NOS1: variants seen among roughly 807,000 people sequenced by gnomAD.
The protein encoded by NOS1 is nitric oxide synthase 1.
In NOS1, 51 loss-of-function variants were observed where a neutral mutation model predicts 164.5. The ratio of observed to expected loss-of-function variants is 0.31; its 90% confidence interval spans 0.25 to 0.39. The LOEUF is 0.39. NOS1 is among the 10% of genes least tolerant of loss of function. NOS1 has a pLI of 1.00. For synonymous variants in NOS1, 719 were observed against 745.8 expected, an observed-to-expected ratio of 0.96 and a Z score of 0.59; for missense variants, 1,362 against 1,885.6, an observed-to-expected ratio of 0.72 and a Z score of 5.14.
chr12:117,241,756 C>T (rs972990495), intron 20 of NOS1, among the ~76,000 whole-genome samples: 5 of 152,180 alleles, frequency 3.3e-5, no homozygotes, highest in Non-Finnish European at 1.5e-5. Flanking sequence ...AAGAGCAGAA[C>T]GGCCATCAGA....
intron 28 of NOS1, among the ~76,000 whole-genome samples, chr12:117,216,712 C>G (rs1486292243): frequency 2.6e-5 from 4 of 152,092 alleles, no homozygotes; most frequent in Non-Finnish European, 4.4e-5. Flanking sequence ...CTCCTGGGCT[C>G]AAGCAATTCA....
At position 117,330,888 on chromosome 12, in the gene NOS1, C is replaced by T; in HGVS notation, c.182G>A (p.Gly61Glu). 1.9e-6 allele frequency: 3 copies of T among 1,614,176 alleles called. No homozygotes were observed. The highest frequency in any genetic ancestry group is 2.5e-6 in the Non-Finnish European group (3 of 1,180,028). Residue 61 changes from glycine to glutamate, a missense_variant, in exon 2 of 29, where the codon GGA (glycine) becomes GAA (glutamate). By Grantham distance (98) the Gly-to-Glu change is moderately conservative. Around this residue, in one of 4 missense-constraint regions of NOS1, gnomAD observed 362 missense variants for 402.0 expected, o/e 0.90. Coordinates refer to ENST00000317775, the MANE Select transcript of NOS1 (RefSeq NM_000620.5). The surrounding 1 kb of genome is among the most constrained non-coding windows in gnomAD (Gnocchi z 4.6). ...GCCGTTGACCGCAAGAATGATGTCT[C>T]CGGCCTGGATGAGGCCACTCTGCTC... is the stretch of plus-strand genomic sequence containing the variant. ...AAEQSGLIQA[G>E]DIILAVNGRP...
chr12:117,299,231 T>C (rs1435106070), intron 3 of NOS1, among the ~76,000 whole-genome samples: 1 of 152,244 alleles, frequency 6.6e-6, no homozygotes, highest in African/African-American at 2.4e-5. Flanking sequence ...ATTAAAAAAT[T>C]GCTATGTATA....
In NOS1 at chr12:117,330,989, G is replaced by GC. The variant is rs1875518439; in HGVS notation, c.80dup (p.Leu28ProfsTer11). 6.2e-7 allele frequency: 1 copy of GC among 1,614,014 alleles called. No individual in the cohort carries two copies. Among genetic ancestry groups the GC allele is most frequent in the South Asian group, 1.1e-5 (1 of 91,078 alleles). On this transcript the variant is annotated frameshift_variant, in exon 2 of 29. Coordinates refer to ENST00000317775, the MANE Select transcript of NOS1 (RefSeq NM_000620.5). LOFTEE classifies it high-confidence loss of function. This position sits in a 1 kb window ranked among gnomAD's most constrained non-coding sequence, Gnocchi z 4.6. ...CCCGCTCCTTCACCAGAAATCCCAGGCCCCCAACTTTGCGCTTGAAGAGAC... is the reference window on the plus strand; with the variant it reads ...CCCGCTCCTTCACCAGAAATCCCAGGCCCCCCAACTTTGCGCTTGAAGAGAC...
chr12:117,254,964 G>A (rs1871332557), intron 16 of NOS1, among the ~76,000 whole-genome samples: 2 of 152,126 alleles, frequency 1.3e-5, no homozygotes, highest in Non-Finnish European at 2.9e-5. Context: ...CGCCTGGCAT[G>A]GAAAGAGACT....
rs368456314 is a variant in NOS1 at position 117,335,729 on chromosome 12, T to TGGGAGAGAGAGAGAGAGAGA, written c.-420-4241_-420-4240insTCTCTCTCTCTCTCTCTCCC. Among the ~76,000 whole-genome samples, 123 of 112,602 alleles carry TGGGAGAGAGAGAGAGAGAGA rather than the reference T, an allele frequency of 1.1e-3. 4 individuals are homozygous for TGGGAGAGAGAGAGAGAGAGA. Among genetic ancestry groups the TGGGAGAGAGAGAGAGAGAGA allele is most frequent in the African/African-American group, 4.2e-3 (119 of 28,032 alleles). 73.9% of individuals were successfully genotyped at this position (112,602 alleles called of 152,430 possible). A position where few individuals can be genotyped will look rare whatever the true frequency, so the allele number is the denominator to read the frequency against. ...TTTTATTTAATTGTTACAGACTATA[T>TGGGAGAGAGAGAGAGAGAGA]GAGAGAGAGAGAGAGAGAGAGAGAG... On this transcript the variant is annotated intron_variant, in intron 1 of 28. Coordinates refer to ENST00000317775, the MANE Select transcript of NOS1 (RefSeq NM_000620.5).
In NOS1 at chr12:117,214,185, G is replaced by C; in HGVS notation, c.*1124C>G. 1 of 985,308 alleles carries C rather than the reference G, an allele frequency of 1.0e-6. No individual in the cohort carries two copies. 61.0% of individuals were successfully genotyped at this position (985,308 alleles called of 1,614,324 possible). A position where few individuals can be genotyped will look rare whatever the true frequency, so the allele number is the denominator to read the frequency against. On this transcript the variant is annotated 3_prime_UTR_variant, in exon 29 of 29. Transcript: ENST00000317775. ...TCCCCAAGGGTGAAGCAGCAAGCCCGCTTTGGGGGAATAAAAAAATAATAA... is the reference window on the plus strand; with the variant it reads ...TCCCCAAGGGTGAAGCAGCAAGCCCCCTTTGGGGGAATAAAAAAATAATAA...
At chr12:117,352,201 A>G (rs1364629425) in intron 1 of NOS1, among the ~76,000 whole-genome samples, 2 of 151,966 alleles carry the variant, frequency 1.3e-5, no homozygotes, top group African/African-American at 4.8e-5. Context: ...ACATACATAC[A>G]TACATACATA....
chr12:117,315,544 A>G (rs1291609753), intron 2 of NOS1, among the ~76,000 whole-genome samples: 1 of 152,180 alleles, frequency 6.6e-6, no homozygotes, highest in African/African-American at 2.4e-5. Flanking sequence ...CAAAATCAGA[A>G]GGAGATTTAG....
chr12:117,260,482 G>A lies in NOS1; in HGVS notation c.2350C>T (p.His784Tyr). 6.2e-7 allele frequency: 1 copy of A among 1,614,066 alleles called. No homozygotes were observed. The highest frequency in any genetic ancestry group is 2.2e-5 in the East Asian group (1 of 44,862). Residue 784 changes from histidine to tyrosine, a missense_variant, in exon 14 of 29, where the codon CAC becomes TAC. This residue lies in a region of NOS1 where 737 missense variants were observed against 1,030.3 expected (regional missense o/e 0.72). Coordinates refer to ENST00000317775, the MANE Select transcript of NOS1 (RefSeq NM_000620.5). ...YAKTLCEIFK[H>Y]AFDAKVMSME... is the part of the protein sequence containing the mutation. ...CCACCTACCTTGGCATCAAAGGCGT[G>A]TTTGAAGATCTCACACAAGGTCTTG...
chr12:117,248,459 T>A (rs1477380098), intron 17 of NOS1, among the ~76,000 whole-genome samples: 1 of 151,840 alleles, frequency 6.6e-6, no homozygotes, highest in Non-Finnish European at 1.5e-5. Flanking sequence ...TGGTTTTTTG[T>A]TCTTGAGATA....
chr12:117,221,130 TTTTATTTATTTATTTA>T (rs200373619), intron 26 of NOS1, among the ~76,000 whole-genome samples: 6 of 146,028 alleles, frequency 4.1e-5, no homozygotes, highest in African/African-American at 1.0e-4. Context: ...TTAAATTTAT[TTTTATTTATTTATTTA>T]TTTATTTATT....
chr12:117,303,932 G>A (rs1039618456), intron 3 of NOS1, among the ~76,000 whole-genome samples: 2 of 152,150 alleles, frequency 1.3e-5, no homozygotes, highest in African/African-American at 4.8e-5. Context: ...CAGCACTTTG[G>A]GAGGCTGAGG....
At chr12:117,222,612 A>G (rs554292300) in intron 26 of NOS1, 103 bp downstream of exon 26, 2 of 1,104,298 alleles carry the variant, frequency 1.8e-6, no homozygotes, top group Admixed American at 2.2e-5. Context: ...CATAGAGGGA[A>G]AATCAGGAAG....
intron 2 of NOS1, among the ~76,000 whole-genome samples, chr12:117,316,477 A>G (rs1874675234): frequency 6.6e-6 from 1 of 151,812 alleles, no homozygotes; most frequent in Non-Finnish European, 1.5e-5. Context: ...CTGAGAGCCA[A>G]CTCCTACTCA....
At chr12:117,357,077 C>G (rs569784933) in intron 1 of NOS1, among the ~76,000 whole-genome samples, 2 of 152,262 alleles carry the variant, frequency 1.3e-5, no homozygotes, top group Admixed American at 1.3e-4. Context: ...AATCCCAGGA[C>G]TTAAGGAGGC....
chr12:117,301,126 T>C (rs979082900), intron 3 of NOS1, among the ~76,000 whole-genome samples: 4 of 152,186 alleles, frequency 2.6e-5, no homozygotes, highest in Non-Finnish European at 2.9e-5. Flanking sequence ...GCAGTGATCA[T>C]ACTCAATTTC....
chr12:117,242,568 C>T, intron 20 of NOS1, 59 bp downstream of exon 20: 1 of 1,393,200 alleles, frequency 7.2e-7, no homozygotes, highest in Non-Finnish European at 1.0e-6. Context: ...GCTTGTCCTT[C>T]ATCGTGGGTG....
Position 117,330,194 on chromosome 12 carries a change from G to A in NOS1, c.725+151C>T. The A allele has an allele frequency of 8.0e-7, 1 of 1,245,022 alleles. No homozygotes were observed. The highest frequency in any genetic ancestry group is 2.6e-5 in the East Asian group (1 of 38,596). The allele number at this position is 1,245,022 out of a possible 1,614,324, so 77.1% of individuals were successfully genotyped here. A position where few individuals can be genotyped will look rare whatever the true frequency, so the allele number is the denominator to read the frequency against. On this transcript the variant is annotated intron_variant, in intron 2 of 28. Coordinates refer to ENST00000317775, the MANE Select transcript of NOS1 (RefSeq NM_000620.5). This position sits in a 1 kb window ranked among gnomAD's most constrained non-coding sequence, Gnocchi z 4.6. ...AATGTAATTTTAAGTGAAGATCAAG[G>A]GGGCCGTCAAGTGGTTATGCAAAAA...
Sources: gnomAD v4.1 joint callset for allele counts (sites outside exome capture counted in the v4.1 genomes callset) on GRCh38, gnomAD v4.1.1 for gene constraint, gnomAD v4.1.1 regional missense constraint, Gnocchi (gnomAD v3.1) non-coding constraint, MANE v1.5 for transcripts, NCBI Gene and HGNC (gene_info 2026-07-23, HGNC 2026-07-21) for gene names.